Variants in FAT1 observed in about 807,000 individuals in gnomAD.
FAT1 encodes the protein protocadherin Fat 1.
A neutral mutation model predicts 329.8 loss-of-function variants in FAT1; 171 were observed. The ratio of observed to expected loss-of-function variants is 0.52; its 90% CI spans 0.46 to 0.59. The LOEUF (loss-of-function observed/expected upper bound fraction) is 0.59. Ranked by LOEUF, FAT1 falls within the 20% of genes least tolerant of loss-of-function variation. The pLI, the probability that FAT1 is intolerant of heterozygous loss-of-function variation, is 0.00. For missense variants in FAT1, 5,672 were observed against 5,774.4 expected (o/e 0.98, Z 0.57); for synonymous variants, 2,233 against 2,228.6 (o/e 1.00, Z -0.06).
intron 1 of FAT1, among the ~76,000 whole-genome samples, chr4:186,713,457 C>T (rs578066210): frequency 3.9e-5 from 6 of 151,936 alleles, no homozygotes; most frequent in South Asian, 2.1e-4. Context: ...TCGATGTTGA[C>T]GCTGCTCCTG....
chr4:186,660,290 C>T (rs1014470435), intron 3 of FAT1, among the ~76,000 whole-genome samples: 1 of 152,094 alleles, frequency 6.6e-6, no homozygotes, highest in Non-Finnish European at 1.5e-5. Flanking sequence ...GTACTTCAGG[C>T]CCTGAGGATC....
At chr4:186,701,971 G>T (rs181550592) in intron 2 of FAT1, among the ~76,000 whole-genome samples, 1 of 148,752 alleles carries the variant, frequency 6.7e-6, no homozygotes, top group East Asian at 2.0e-4. Context: ...CCACACAGGT[G>T]ACACAGGGAT....
intron 2 of FAT1, among the ~76,000 whole-genome samples, chr4:186,686,238 A>ACCCC (rs3083333): frequency 5.7e-5 from 8 of 140,028 alleles, no homozygotes; most frequent in African/African-American, 2.1e-4. Context: ...GAGAATTTTC[A>ACCCC]CCCCCCCCCG....
chr4:186,676,621 T>C (rs1295243208), intron 2 of FAT1, among the ~76,000 whole-genome samples: 1 of 152,196 alleles, frequency 6.6e-6, no homozygotes, highest in Non-Finnish European at 1.5e-5. Context: ...AAAATGTCAG[T>C]TGAAATGACT....
At chr4:186,712,907 C>T (rs1053224093) in intron 1 of FAT1, among the ~76,000 whole-genome samples, 1 of 101,336 alleles carries the variant, frequency 9.9e-6, no homozygotes, top group Non-Finnish European at 2.0e-5. Context: ...AAAGAGACCA[C>T]GTGGCTGGAG....
rs764522167 is a variant in FAT1, at chr4:186,619,571, T to C, written c.7015A>G (p.Thr2339Ala). 1 of 1,613,948 alleles carries C rather than the reference T, an allele frequency of 6.2e-7. No individual in the cohort carries two copies. The highest frequency in any genetic ancestry group is 8.5e-7 in the Non-Finnish European group (1 of 1,179,896). Residue 2339 changes from threonine to alanine, a missense_variant, in exon 10 of 27, where the codon ACT becomes GCT. By Grantham distance (58) the Thr-to-Ala change is moderately conservative. Coordinates refer to ENST00000441802, the MANE Select transcript of FAT1 (RefSeq NM_005245.4). ...SHDHFHVDSS[T>A]GLISLLRTLD... ...GTTCTGAGTAGTGAGATGAGGCCAG[T>C]GCTGCTGTCTACATGAAAATGATCA...
chr4:186,678,485 T>C (rs1168994170), intron 2 of FAT1, among the ~76,000 whole-genome samples: 2 of 149,110 alleles, frequency 1.3e-5, no homozygotes, highest in Admixed American at 6.7e-5. Flanking sequence ...TAATAGAACA[T>C]TATACAATGT....
chr4:186,590,447 A>G, intron 26 of FAT1: 1 of 1,268,914 alleles, frequency 7.9e-7, no homozygotes, highest in East Asian at 5.6e-5. Context: ...TTTGTAATTA[A>G]AACAGTCGGC....
At chr4:186,633,853 G>T in intron 6 of FAT1, 30 bp from the exon 7 acceptor site, 1 of 1,613,438 alleles carries the variant, frequency 6.2e-7, no homozygotes, top group Non-Finnish European at 8.5e-7. Flanking sequence ...GTAAAAACAG[G>T]TCACAGGATA....
At chr4:186,623,619 G>C (rs1740152641) in intron 9 of FAT1, among the ~76,000 whole-genome samples, 1 of 152,190 alleles carries the variant, frequency 6.6e-6, no homozygotes. Flanking sequence ...ATCTGCTGTG[G>C]AGGAGGCTGG....
At chr4:186,666,590 T>C (rs887952580) in intron 2 of FAT1, among the ~76,000 whole-genome samples, 5 of 152,260 alleles carry the variant, frequency 3.3e-5, no homozygotes, top group African/African-American at 1.2e-4. Context: ...GTGGTGCTTT[T>C]ATCTACCTCT....
chr4:186,599,737 C>T lies in FAT1; in HGVS notation c.12103+161G>A, dbSNP rs565648881. 1.4e-4 allele frequency among the ~76,000 whole-genome samples: 21 copies of T among 152,316 alleles called. No homozygotes were observed. The South Asian group carries it at 4.4e-3, about 32-fold the overall frequency. ...CACCAGAAGGGCAGCAGACCCAGCT[C>T]TGCCCCCGTATGAGGGATGCTGCTC... On this transcript the variant is annotated intron_variant, in intron 22 of 26. Transcript: ENST00000441802.
Position 186,619,020 on chromosome 4 carries a change from A to C in FAT1, c.7566T>G (p.Gly2522=). The change falls in exon 10 of 27, where the codon GGT becomes GGG. Residue 2522 remains glycine, a synonymous_variant. Coordinates refer to ENST00000441802, the MANE Select transcript of FAT1 (RefSeq NM_005245.4). Reference sequence around the variant, plus strand: ...TATGGTAAGTAACGTGACCATAAATACCAGAATCCCCATCCGTAGTTTTCA... The same window carrying C: ...TATGGTAAGTAACGTGACCATAAATCCCAGAATCCCCATCCGTAGTTTTCA... ...MEVKTTDGDS[G]IYGHVTYHIV... 1.2e-6 allele frequency: 2 copies of C among 1,614,036 alleles called. No homozygotes were observed. Among genetic ancestry groups the C allele is most frequent in the East Asian group, 4.5e-5 (2 of 44,884 alleles).
intron 1 of FAT1, among the ~76,000 whole-genome samples, chr4:186,722,542 C>CA (rs1215827604): frequency 6.6e-6 from 1 of 152,162 alleles, no homozygotes; most frequent in African/African-American, 2.4e-5. Flanking sequence ...GACAAAAAGA[C>CA]AAAGACAAAT....
At position 186,663,531 on chromosome 4, in the gene FAT1, G is replaced by A. The variant is rs747989960; in HGVS notation, c.3348C>T (p.Val1116=). 27 of 1,612,772 alleles carry A rather than the reference G, an allele frequency of 1.7e-5. No individual in the cohort carries two copies. In the Middle Eastern group the frequency reaches 4.9e-4, roughly 29 times the overall value. Residue 1116 remains valine, a synonymous_variant, in exon 3 of 27, where the codon GTC becomes GTT. Coordinates refer to ENST00000441802, the MANE Select transcript of FAT1 (RefSeq NM_005245.4). ...WLTVFATDQG[V]VPLSSFIEIY... is the part of the protein sequence containing the mutation. ...TCTCTATGAACGATGAAAGAGGCACGACACCCTGATCGGTTGCAAAGACTG... is the reference window on the plus strand; with the variant it reads ...TCTCTATGAACGATGAAAGAGGCACAACACCCTGATCGGTTGCAAAGACTG...
At chr4:186,715,486 C>T (rs914508216) in intron 1 of FAT1, among the ~76,000 whole-genome samples, 1 of 152,072 alleles carries the variant, frequency 6.6e-6, no homozygotes, top group Non-Finnish European at 1.5e-5. Context: ...ACATTGTTAA[C>T]CGTGCAGTAA....
At chr4:186,644,841 C>A (rs1018378345) in intron 3 of FAT1, among the ~76,000 whole-genome samples, 1 of 152,202 alleles carries the variant, frequency 6.6e-6, no homozygotes, top group African/African-American at 2.4e-5. Flanking sequence ...ACATGGTCCA[C>A]ACAGCTGGAG....
At chr4:186,672,592 T>A (rs1350514263) in intron 2 of FAT1, among the ~76,000 whole-genome samples, 1 of 152,218 alleles carries the variant, frequency 6.6e-6, no homozygotes, top group African/African-American at 2.4e-5. Context: ...GGACTCAAGA[T>A]ATAGCAGAGA....
At chr4:186,683,412 G>C (rs1408098917) in intron 2 of FAT1, among the ~76,000 whole-genome samples, 1 of 152,138 alleles carries the variant, frequency 6.6e-6, no homozygotes, top group Non-Finnish European at 1.5e-5. Context: ...AAACTGTGGA[G>C]TCCTGGGCAC....
Sources: gnomAD v4.1 joint callset for allele counts (sites outside exome capture counted in the v4.1 genomes callset) on GRCh38, gnomAD v4.1.1 for gene constraint, MANE v1.5 for transcripts, NCBI Gene and HGNC (gene_info 2026-07-23, HGNC 2026-07-21) for gene names.